C4orf50: variants seen among roughly 807,000 people sequenced by gnomAD.
C4orf50 encodes chromosome 4 open reading frame 50, also known as uncharacterized protein C4orf50.
C4orf50 carries 80 observed loss-of-function variants against 77.2 expected under a neutral mutation model. The observed-to-expected ratio is 1.04, with a 90% CI of 0.87 to 1.25. The LOEUF is 1.25. Ranked by LOEUF, C4orf50 falls within the 50% of genes most tolerant of loss-of-function variation. The pLI, the probability that C4orf50 is intolerant of heterozygous loss-of-function variation, is 0.00. For missense variants in C4orf50, 1,257 were observed against 1,152.9 expected (o/e 1.09, Z -1.31); for synonymous variants, 532 against 465.3 (o/e 1.14, Z -1.84).
intron 28 of C4orf50, among the ~76,000 whole-genome samples, chr4:5,984,840 T>C (rs1261133878): frequency 6.8e-6 from 1 of 146,134 alleles, no homozygotes; most frequent in African/African-American, 2.5e-5. Context: ...AATACACAAG[T>C]TCAAGAAGCT....
In C4orf50 at chr4:5,966,368, G is replaced by A. The variant is rs568296061; in HGVS notation, c.4153+1046C>T. Among the ~76,000 whole-genome samples, 9 of 152,058 alleles carry A rather than the reference G, an allele frequency of 5.9e-5. No individual in the cohort carries two copies. In the South Asian group the frequency reaches 1.0e-3, roughly 18 times the overall value. ...TGGGCGCCTGCAATCTCAGCTACTCGGGAGGCTGAGGCAAGAGAATTGCTT... is the reference window on the plus strand; with the variant it reads ...TGGGCGCCTGCAATCTCAGCTACTCAGGAGGCTGAGGCAAGAGAATTGCTT... On this transcript the variant is annotated intron_variant, in intron 32 of 33. Transcript: ENST00000531445.
chr4:5,973,682 A>C (rs772241923), exon 31 of C4orf50: 1 of 1,613,342 alleles, frequency 6.2e-7, no homozygotes, highest in Admixed American at 1.7e-5. Flanking sequence ...GGAGCCAGGA[A>C]GGTGGCCGTG....
intron 31 of C4orf50, among the ~76,000 whole-genome samples, chr4:5,968,833 C>A (rs767822218): frequency 6.6e-6 from 1 of 152,158 alleles, no homozygotes; most frequent in Non-Finnish European, 1.5e-5. Context: ...GTAGAGGATA[C>A]ACCGACAGAG....
intron 29 of C4orf50, among the ~76,000 whole-genome samples, chr4:5,978,899 A>C (rs1015505004): frequency 5.9e-5 from 9 of 152,254 alleles, no homozygotes; most frequent in African/African-American, 1.9e-4. Flanking sequence ...TATGAGGACT[A>C]TGCAGCCACA....
chr4:5,994,546 C>A (rs1721473471), intron 25 of C4orf50, 70 bp from the exon 4 acceptor site: 1 of 398,796 alleles, frequency 2.5e-6, no homozygotes, highest in South Asian at 1.3e-4. Flanking sequence ...AGCCCATCCC[C>A]AGGGGCCCCT....
chr4:5,964,682 C>T (rs192501233), intron 33 of C4orf50, among the ~76,000 whole-genome samples: 2 of 146,674 alleles, frequency 1.4e-5, no homozygotes, highest in Admixed American at 6.9e-5. Flanking sequence ...GCAGGAGAAT[C>T]GCTTGAAACC....
At chr4:5,921,147 C>T (rs1196063559) in intron 7 of C4orf50, among the ~76,000 whole-genome samples, 2 of 152,242 alleles carry the variant, frequency 1.3e-5, no homozygotes, top group African/African-American at 2.4e-5. Flanking sequence ...TTGCTGGGCC[C>T]TTCCACGCTG....
chr4:5,934,094 C>T (rs1185930384), intron 7 of C4orf50, among the ~76,000 whole-genome samples: 2 of 152,020 alleles, frequency 1.3e-5, no homozygotes, highest in African/African-American at 4.8e-5. Context: ...CCCACTCCAA[C>T]ACAGCCCCTG....
chr4:5,922,913 G>A (rs993511336), intron 7 of C4orf50, among the ~76,000 whole-genome samples: 2 of 152,180 alleles, frequency 1.3e-5, no homozygotes, highest in Non-Finnish European at 2.9e-5. Context: ...CAGGAGCCTA[G>A]ACCTTCACCT....
chr4:6,003,980 AGTGATGATG>A lies in C4orf50; in HGVS notation c.963+4007_963+4015del, dbSNP rs1438564937. Among the ~76,000 whole-genome samples the A allele has an allele frequency of 8.5e-3, 797 of 93,658 alleles. 1 individual carries two copies. The highest frequency in any genetic ancestry group is 0.021 in the African/African-American group (457 of 22,000). 61.4% of individuals were successfully genotyped at this position (93,658 alleles called of 152,430 possible). A position where few individuals can be genotyped will look rare whatever the true frequency, so the allele number is the denominator to read the frequency against. ...ATGGTGATGATGTGATGGCGATGAT[AGTGATGATG>A]GTGATGATGGTGATGGTGATGATGT... On this transcript the variant is annotated intron_variant, in intron 25 of 33. Transcript: ENST00000531445.
intron 33 of C4orf50, among the ~76,000 whole-genome samples, chr4:5,961,712 C>T (rs1166870120): frequency 2.6e-5 from 4 of 152,174 alleles, no homozygotes; most frequent in East Asian, 1.9e-4. Context: ...CTTCAGTGGC[C>T]GAGTGATAGG....
At position 6,009,217 on chromosome 4, in the gene C4orf50, C is replaced by T. The variant is rs1218019390; in HGVS notation, c.427-685G>A. Among the ~76,000 whole-genome samples, 2 of 152,204 alleles carry T rather than the reference C, an allele frequency of 1.3e-5. No individual in the cohort carries two copies. The highest frequency in any genetic ancestry group is 4.8e-5 in the African/African-American group (2 of 41,442). On this transcript the variant is annotated intron_variant, in intron 24 of 33. Transcript: ENST00000531445. The surrounding 1 kb of genome is among the most constrained non-coding windows in gnomAD (Gnocchi z 5.6). ...CTGCCTGGCCTGGGAACACATCTGC[C>T]TCCTCCCACCCACGGGCCGTGAGCT...
intron 7 of C4orf50, among the ~76,000 whole-genome samples, chr4:5,951,996 A>G (rs1032657691): frequency 6.6e-6 from 1 of 152,240 alleles, no homozygotes; most frequent in Non-Finnish European, 1.5e-5. Context: ...CATCTAACAG[A>G]ATTTGCACTA....
chr4:5,996,603 C>T (rs1336975139), intron 25 of C4orf50, among the ~76,000 whole-genome samples: 7 of 152,224 alleles, frequency 4.6e-5, no homozygotes, highest in Admixed American at 4.6e-4. Context: ...TTAATGAGGC[C>T]TTCTTTGGCC....
In C4orf50 at chr4:5,959,643, A is replaced by G; in HGVS notation, c.4276-17T>C. The G allele has an allele frequency of 6.2e-7, 1 of 1,605,142 alleles. No homozygotes were observed. The highest frequency in any genetic ancestry group is 8.5e-7 in the Non-Finnish European group (1 of 1,173,674). On this transcript the variant is annotated splice_polypyrimidine_tract_variant and intron_variant, in intron 33 of 33. Coordinates refer to ENST00000531445, the Ensembl canonical transcript of C4orf50. ...CAGAGGGAGCTGCAGGCAAGAGGACAATGAAATGGTCTCTGCGTCCACATG... is the reference window on the plus strand; with the variant it reads ...CAGAGGGAGCTGCAGGCAAGAGGACGATGAAATGGTCTCTGCGTCCACATG...
intron 33 of C4orf50, among the ~76,000 whole-genome samples, chr4:5,962,674 G>A (rs762912578): frequency 5.9e-5 from 9 of 152,238 alleles, no homozygotes; most frequent in Non-Finnish European, 1.0e-4. Flanking sequence ...CAGCTCTGCC[G>A]CTTATGAGCT....
intron 7 of C4orf50, among the ~76,000 whole-genome samples, chr4:5,911,465 C>G (rs1349216483): frequency 1.3e-5 from 2 of 152,148 alleles, no homozygotes; most frequent in African/African-American, 2.4e-5. Context: ...ATGTCACTTA[C>G]AACCCCAGCA....
chr4:6,016,593 A>G (rs1035052732), intron 23 of C4orf50, among the ~76,000 whole-genome samples: 1 of 152,178 alleles, frequency 6.6e-6, no homozygotes, highest in African/African-American at 2.4e-5. Flanking sequence ...GTTTTGTTGT[A>G]GGTTGCTTCA....
chr4:6,012,208 C>G (rs567774788), intron 23 of C4orf50, among the ~76,000 whole-genome samples: 2 of 152,178 alleles, frequency 1.3e-5, no homozygotes, highest in Non-Finnish European at 2.9e-5. Flanking sequence ...TCAACGTCCT[C>G]ACACCGAAGC....
Sources: allele counts gnomAD v4.1 joint callset (sites outside exome capture counted in the v4.1 genomes callset), GRCh38; gene constraint gnomAD v4.1.1; non-coding constraint Gnocchi (gnomAD v3.1); transcripts MANE v1.5; gene names NCBI Gene and HGNC (gene_info 2026-07-23, HGNC 2026-07-21).